Variants in EPN2 observed in about 807,000 individuals in gnomAD.
EPN2 encodes epsin-2.
In EPN2, 34 loss-of-function variants were observed where a neutral mutation model predicts 61.7. The observed-to-expected ratio is 0.55, with a 90% CI of 0.42 to 0.73. The LOEUF is 0.73. EPN2 is among the 30% of genes least tolerant of loss of function. The pLI, the probability that EPN2 is intolerant of heterozygous loss-of-function variation, is 0.00. For synonymous variants in EPN2, 349 were observed against 353.6 expected (o/e 0.99, Z 0.15); for missense variants, 714 against 839.2 (o/e 0.85, Z 1.84).
intron 6 of EPN2, 137 bp downstream of exon 6, chr17:19,312,281 G>A (rs1345543808): frequency 4.6e-6 from 3 of 654,108 alleles, no homozygotes; most frequent in African/African-American, 3.6e-5. Flanking sequence ...TGCCTGTAGT[G>A]AGCGAGAGCC....
intron 1 of EPN2, among the ~76,000 whole-genome samples, chr17:19,253,964 C>T (rs763316465): frequency 2.6e-5 from 4 of 151,856 alleles, no homozygotes; most frequent in Non-Finnish European, 4.4e-5. Context: ...AAAACCCTGT[C>T]TCTACTGAAA....
chr17:19,310,096 A>G (rs1042463015), intron 5 of EPN2, 99 bp downstream of exon 5: 9 of 816,704 alleles, frequency 1.1e-5, no homozygotes, highest in African/African-American at 8.4e-5. Flanking sequence ...CCTGTCTTCA[A>G]AACATTTCAG....
At chr17:19,300,196 A>G (rs1905414101) in intron 4 of EPN2, among the ~76,000 whole-genome samples, 1 of 152,132 alleles carries the variant, frequency 6.6e-6, no homozygotes, top group South Asian at 2.1e-4. Flanking sequence ...GTTTCTTAGA[A>G]AGAAACAGGG....
intron 7 of EPN2, among the ~76,000 whole-genome samples, chr17:19,321,270 G>C (rs1030925897): frequency 2.6e-5 from 4 of 152,150 alleles, no homozygotes; most frequent in African/African-American, 9.7e-5. Context: ...CCCCTTTGCT[G>C]TGTTGTTCAC....
At chr17:19,259,558 C>T (rs111889376) in intron 1 of EPN2, among the ~76,000 whole-genome samples, 2,121 of 152,190 alleles carry the variant, frequency 0.014, 35 homozygotes, top group South Asian at 0.066. Context: ...GTGATCTGCC[C>T]GCCTCGGCCT....
chr17:19,279,090 C>T (rs1216346556), intron 1 of EPN2, among the ~76,000 whole-genome samples: 2 of 151,840 alleles, frequency 1.3e-5, no homozygotes, highest in Non-Finnish European at 2.9e-5. Flanking sequence ...TTCCTTTTTC[C>T]TGAAGTTTAA....
In EPN2 at chr17:19,291,468, C is replaced by T. The variant is rs544512617; in HGVS notation, c.766+5678C>T. Among the ~76,000 whole-genome samples the T allele has an allele frequency of 1.9e-4, 26 of 136,900 alleles. No homozygotes were observed. In the South Asian group the frequency reaches 5.8e-3, roughly 30 times the overall value. The allele number at this position is 136,900 out of a possible 152,430, so 89.8% of individuals were successfully genotyped here. A position where few individuals can be genotyped will look rare whatever the true frequency, so the allele number is the denominator to read the frequency against. ...TTTTTTTTTTTTTGAGACGGAGTCTCGCTCTTTCGCCCAGGCTGGACTGCA... is the reference window on the plus strand; with the variant it reads ...TTTTTTTTTTTTTGAGACGGAGTCTTGCTCTTTCGCCCAGGCTGGACTGCA... On this transcript the variant is annotated intron_variant, in intron 4 of 10. Coordinates refer to ENST00000314728, the MANE Select transcript of EPN2 (RefSeq NM_014964.5).
intron 1 of EPN2, among the ~76,000 whole-genome samples, chr17:19,251,062 C>T (rs2045010399): frequency 6.6e-6 from 1 of 152,188 alleles, no homozygotes; most frequent in African/African-American, 2.4e-5. Flanking sequence ...CTAGTACATT[C>T]TGATGCCTTC....
At chr17:19,269,991 A>G (rs2045237869) in intron 1 of EPN2, among the ~76,000 whole-genome samples, 1 of 152,232 alleles carries the variant, frequency 6.6e-6, no homozygotes, top group Non-Finnish European at 1.5e-5. Context: ...GTCTAAAGCT[A>G]CAAAGAATGA....
At position 19,282,968 on chromosome 17, in the gene EPN2, T is replaced by G; in HGVS notation, c.-152T>G. 1 of 617,762 alleles carries G rather than the reference T, an allele frequency of 1.6e-6. No individual in the cohort carries two copies. Among genetic ancestry groups the G allele is most frequent in the Non-Finnish European group, 2.8e-6 (1 of 356,916 alleles). The allele number at this position is 617,762 out of a possible 1,614,324, so 38.3% of individuals were successfully genotyped here. On this transcript the variant is annotated 5_prime_UTR_variant, in exon 3 of 11. Transcript: ENST00000314728. ...TCTCTAGGTCATGGCTTCCAGCTTTTCGAATCTGAGGCTCCAAAGGAGGAA... is the reference window on the plus strand; with the variant it reads ...TCTCTAGGTCATGGCTTCCAGCTTTGCGAATCTGAGGCTCCAAAGGAGGAA...
At chr17:19,277,848 G>A (rs935732455) in intron 1 of EPN2, among the ~76,000 whole-genome samples, 4 of 152,124 alleles carry the variant, frequency 2.6e-5, no homozygotes, top group East Asian at 1.9e-4. Flanking sequence ...CAGGGTGGGC[G>A]GATCACGAGG....
At position 19,335,594 on chromosome 17, in the gene EPN2, C is replaced by G; in HGVS notation, c.*1340C>G. ...GCTTCTGTGCCCACGGGTCCCTGGGCAACAGTCCCTAGGCTAAGACAGGGG... is the reference window on the plus strand; with the variant it reads ...GCTTCTGTGCCCACGGGTCCCTGGGGAACAGTCCCTAGGCTAAGACAGGGG... On this transcript the variant is annotated 3_prime_UTR_variant, in exon 11 of 11. Transcript: ENST00000314728. 3 of 896,122 alleles carry G rather than the reference C, an allele frequency of 3.3e-6. No homozygotes were observed. The highest frequency in any genetic ancestry group is 4.9e-6 in the Non-Finnish European group (3 of 615,024). 55.5% of individuals were successfully genotyped at this position (896,122 alleles called of 1,614,324 possible). A position where few individuals can be genotyped will look rare whatever the true frequency, so the allele number is the denominator to read the frequency against.
chr17:19,293,913 C>T lies in EPN2; in HGVS notation c.766+8123C>T, dbSNP rs2045489672. ...GACCAGCCTGACCAACATGGTGAAA[C>T]CCCTGTCTCTACCAAAAATACAAAA... is the stretch of plus-strand genomic sequence containing the variant. On this transcript the variant is annotated intron_variant, in intron 4 of 10. Transcript: ENST00000314728. Among the ~76,000 whole-genome samples, 4 of 151,782 alleles carry T rather than the reference C, an allele frequency of 2.6e-5. No homozygotes were observed. In the South Asian group the frequency reaches 8.3e-4, roughly 32 times the overall value.
intron 7 of EPN2, among the ~76,000 whole-genome samples, chr17:19,320,478 G>T (rs1351160780): frequency 6.6e-6 from 1 of 152,174 alleles, no homozygotes; most frequent in Non-Finnish European, 1.5e-5. Flanking sequence ...TGAGAGGTCT[G>T]GGTGCACCCA....
chr17:19,287,618 A>G (rs559240047), intron 4 of EPN2, among the ~76,000 whole-genome samples: 2 of 152,318 alleles, frequency 1.3e-5, no homozygotes, highest in East Asian at 3.9e-4. Context: ...CTTGGAAATC[A>G]GCAGTGGGAA....
At position 19,335,397 on chromosome 17, in the gene EPN2, T is replaced by G; in HGVS notation, c.*1143T>G. 6.5e-7 allele frequency: 1 copy of G among 1,548,302 alleles called. No homozygotes were observed. The highest frequency in any genetic ancestry group is 8.7e-7 in the Non-Finnish European group (1 of 1,145,938). On this transcript the variant is annotated 3_prime_UTR_variant, in exon 11 of 11. Transcript: ENST00000314728. ...TTTTTATCAACTAATTCCTTTTTTT[T>G]ATTAAAGGCATGCAGGGATTAACAG...
At chr17:19,309,351 G>A (rs1324849059) in intron 4 of EPN2, among the ~76,000 whole-genome samples, 2 of 152,044 alleles carry the variant, frequency 1.3e-5, no homozygotes, top group Non-Finnish European at 2.9e-5. Context: ...GGATGGTCTC[G>A]ATCTCTTGAC....
intron 4 of EPN2, chr17:19,306,167 C>G (rs953539097): frequency 2.6e-5 from 4 of 152,300 alleles, no homozygotes; most frequent in African/African-American, 9.6e-5. Flanking sequence ...CCCTTGGTCC[C>G]TGTGAGCTCT....
intron 1 of EPN2, among the ~76,000 whole-genome samples, chr17:19,261,078 C>T (rs148563277): frequency 3.9e-5 from 6 of 152,316 alleles, no homozygotes; most frequent in Non-Finnish European, 7.3e-5. Flanking sequence ...ACGTGCACAT[C>T]GTTTCCCACA....
Sources: allele counts gnomAD v4.1 joint callset (sites outside exome capture counted in the v4.1 genomes callset), GRCh38; gene constraint gnomAD v4.1.1; transcripts MANE v1.5; gene names NCBI Gene and HGNC (gene_info 2026-07-23, HGNC 2026-07-21).